TMEM127: variants seen among roughly 807,000 people sequenced by gnomAD.
The protein encoded by TMEM127 is transmembrane protein 127.
TMEM127 carries 21 observed loss-of-function variants against 20.1 expected under a neutral mutation model. That is an observed-to-expected ratio of 1.04 (90% CI 0.74 to 1.50). The LOEUF is 1.50. Ranked by LOEUF, TMEM127 falls within the 40% of genes most tolerant of loss-of-function variation. TMEM127 has a pLI of 0.00. For missense variants in TMEM127, 303 were observed against 317.4 expected (o/e 0.95, Z 0.34); for synonymous variants, 150 against 144.7 (o/e 1.04, Z -0.26).
chr2:96,251,891 G>A lies in TMEM127; in HGVS notation c.*1917C>T, dbSNP rs188082984. On this transcript the variant is annotated 3_prime_UTR_variant, in exon 4 of 4. Transcript: ENST00000258439. ...GATGACCAGTCCCTTTGGCATGCAG[G>A]TCCAGTGCCTGGTCTTCTGGTCTGC... 3.4e-4 allele frequency: 79 copies of A among 233,338 alleles called. No homozygotes were observed. Among genetic ancestry groups the A allele is most frequent in the African/African-American group, 2.0e-4 (9 of 45,434 alleles). 14.5% of individuals were successfully genotyped at this position (233,338 alleles called of 1,614,324 possible).
rs1684140585 is a variant in TMEM127 at position 96,253,835 on chromosome 2, G to C, written c.690C>G (p.Phe230Leu). 1 of 1,612,408 alleles carries C rather than the reference G, an allele frequency of 6.2e-7. No homozygotes were observed. The highest frequency in any genetic ancestry group is 8.5e-7 in the Non-Finnish European group (1 of 1,178,620). ...YPAEYEVINQFQPPPAYTP is the reference protein window; with the variant it reads ...YPAEYEVINQLQPPPAYTP The stretch of plus-strand genomic sequence containing the variant: ...AGGGTGTGTAAGCAGGGGGTGGCTG[G>C]AACTGGTTGATGACCTCATATTCCG... The change falls in exon 4 of 4, where the codon TTC (phenylalanine) becomes TTG (leucine). Residue 230 changes from phenylalanine to leucine, a missense_variant. Coordinates refer to ENST00000258439, the MANE Select transcript of TMEM127 (RefSeq NM_017849.4). This position sits in a 1 kb window ranked among gnomAD's most constrained non-coding sequence, Gnocchi z 4.3.
In TMEM127 at chr2:96,254,929, G is replaced by C; in HGVS notation, c.313C>G (p.Leu105Val). 2 of 1,614,242 alleles carry C rather than the reference G, an allele frequency of 1.2e-6. No homozygotes were observed. The highest frequency in any genetic ancestry group is 8.5e-7 in the Non-Finnish European group (1 of 1,180,038). ...AGAAGGAAAGCGGAGAGACTACACA[G>C]GATGCCCAGGAAACAGAAGGCGGCG... ...VIAAFCFLGI[L>V]CSLSAFLLDV... is the part of the protein sequence containing the mutation. Residue 105 changes from leucine (L) to valine (V), a missense_variant, in exon 3 of 4, where the codon CTG (leucine) becomes GTG (valine). Physicochemically the swap from Leu to Val is conservative, Grantham distance 32 (BLOSUM62 1). Coordinates refer to ENST00000258439, the MANE Select transcript of TMEM127 (RefSeq NM_017849.4).
intron 2 of TMEM127, among the ~76,000 whole-genome samples, chr2:96,261,249 G>C (rs1684307240): frequency 6.6e-6 from 1 of 152,116 alleles, no homozygotes; most frequent in Non-Finnish European, 1.5e-5. Flanking sequence ...CGCTTGCAGG[G>C]GCAGTGGAGA....
chr2:96,262,695 T>TTTAA (rs1251980880), intron 2 of TMEM127, among the ~76,000 whole-genome samples: 1 of 152,274 alleles, frequency 6.6e-6, no homozygotes, highest in African/African-American at 2.4e-5. Context: ...TTTCTTTCTT[T>TTTAA]TTAATTTTTG....
At chr2:96,262,666 C>T (rs936042692) in intron 2 of TMEM127, among the ~76,000 whole-genome samples, 1 of 152,232 alleles carries the variant, frequency 6.6e-6, no homozygotes, top group Non-Finnish European at 1.5e-5. Context: ...TTGCAAAAGA[C>T]AAAACGGAGC....
At position 96,253,540 on chromosome 2, in the gene TMEM127, C is replaced by T. The variant is rs1684134548; in HGVS notation, c.*268G>A. The T allele has an allele frequency of 5.1e-5, 25 of 492,108 alleles. No homozygotes were observed. The South Asian group carries it at 7.6e-4, about 15-fold the overall frequency. The allele number at this position is 492,108 out of a possible 1,614,324, so 30.5% of individuals were successfully genotyped here. On this transcript the variant is annotated 3_prime_UTR_variant, in exon 4 of 4. Transcript: ENST00000258439. This position sits in a 1 kb window ranked among gnomAD's most constrained non-coding sequence, Gnocchi z 4.3. ...CCATGCTGGAGGAAACTTGGATGAC[C>T]TTCCCTGGCTGGTAATGACTCGTGA...
chr2:96,265,823 C>T (rs1256986430), intron 1 of TMEM127, 46 bp downstream of exon 1: 1 of 183,120 alleles, frequency 5.5e-6, no homozygotes, highest in African/African-American at 2.3e-5. Flanking sequence ...TGGGGTGCGA[C>T]CTGTGCGCAG....
In TMEM127 at chr2:96,254,996, ATC is replaced by A. The variant is rs1270811774; in HGVS notation, c.245-1_245del. ...GCACTGTCTGGGGATTCATGCAGAA[ATC>A]TGTAGAGGGAGAACCAAATTTTCAC... On this transcript the variant is annotated splice_acceptor_variant and coding_sequence_variant, in exon 3 of 4. Coordinates refer to ENST00000258439, the MANE Select transcript of TMEM127 (RefSeq NM_017849.4). LOFTEE classifies it high-confidence loss of function. 6.2e-7 allele frequency: 1 copy of A among 1,614,146 alleles called. No individual in the cohort carries two copies. Among genetic ancestry groups the A allele is most frequent in the South Asian group, 1.1e-5 (1 of 91,084 alleles).
chr2:96,254,039 C>T lies in TMEM127; in HGVS notation c.486G>A (p.Lys162=), dbSNP rs536032990. 3.1e-6 allele frequency: 5 copies of T among 1,614,184 alleles called. No homozygotes were observed. The African/African-American group carries it at 6.7e-5, about 22-fold the overall frequency. ...CATAGACCTGGGATCCATGGTACTT[C>T]TTATGCTGCTGCTGCTGGGCCAAGA... The part of the protein sequence containing the change: ...ELILAQQQQH[K]KYHGSQVYVT... The change falls in exon 4 of 4, where the codon AAG becomes AAA. Residue 162 remains lysine, a synonymous_variant. Coordinates refer to ENST00000258439, the MANE Select transcript of TMEM127 (RefSeq NM_017849.4).
rs908395626 is a variant in TMEM127, at chr2:96,252,413, T to G, written c.*1395A>C. The G allele has an allele frequency of 8.6e-6, 2 of 233,552 alleles. No homozygotes were observed. The allele number at this position is 233,552 out of a possible 1,614,324, so 14.5% of individuals were successfully genotyped here. A position where few individuals can be genotyped will look rare whatever the true frequency, so the allele number is the denominator to read the frequency against. On this transcript the variant is annotated 3_prime_UTR_variant, in exon 4 of 4. Transcript: ENST00000258439. This position sits in a 1 kb window ranked among gnomAD's most constrained non-coding sequence, Gnocchi z 4.2. Reference sequence around the variant, plus strand: ...GCCATCTGGATCTACACTGAAGGTCTTTCAAGTTTCATCCACTTTATGCCC... The same window carrying G: ...GCCATCTGGATCTACACTGAAGGTCGTTCAAGTTTCATCCACTTTATGCCC...
intron 2 of TMEM127, among the ~76,000 whole-genome samples, chr2:96,257,262 C>T (rs1400777783): frequency 6.7e-6 from 1 of 148,538 alleles, no homozygotes; most frequent in East Asian, 2.0e-4. Context: ...AGGAGTTCGA[C>T]ATCAGCGTGG....
rs1433431535 is a variant in TMEM127, at chr2:96,251,691, TAA to T, written c.*2115_*2116del. 7.7e-5 allele frequency: 18 copies of T among 232,836 alleles called. No homozygotes were observed. Among genetic ancestry groups the T allele is most frequent in the Admixed American group, 2.8e-4 (5 of 17,758 alleles). 14.4% of individuals were successfully genotyped at this position (232,836 alleles called of 1,614,324 possible). A position where few individuals can be genotyped will look rare whatever the true frequency, so the allele number is the denominator to read the frequency against. ...GTTTTTTTGGTTTTGTTTTCCCTTT[TAA>T]TTTTTTTCTAGAAAAAAAAACACAA... On this transcript the variant is annotated 3_prime_UTR_variant, in exon 4 of 4. Coordinates refer to ENST00000258439, the MANE Select transcript of TMEM127 (RefSeq NM_017849.4).
intron 2 of TMEM127, 69 bp downstream of exon 2, chr2:96,265,069 T>C: frequency 1.3e-6 from 2 of 1,598,406 alleles, no homozygotes; most frequent in Admixed American, 1.7e-5. Flanking sequence ...TCCCTGGCTA[T>C]CTCTGCTTCA....
chr2:96,254,025 G>A lies in TMEM127; in HGVS notation c.500C>T (p.Ser167Phe), dbSNP rs994504317. Reference protein sequence around the residue: ...QQQQHKKYHGSQVYVTFAVSF... With the variant: ...QQQQHKKYHGFQVYVTFAVSF... ...AACGGCGAAGGTGACATAGACCTGG[G>A]ATCCATGGTACTTCTTATGCTGCTG... The change falls in exon 4 of 4, where the codon TCC (serine) becomes TTC (phenylalanine). Residue 167 changes from serine (S) to phenylalanine (F), a missense_variant. By Grantham distance (155) the Ser-to-Phe change is radical. Coordinates refer to ENST00000258439, the MANE Select transcript of TMEM127 (RefSeq NM_017849.4). The A allele has an allele frequency of 1.9e-6, 3 of 1,614,162 alleles. No individual in the cohort carries two copies. The highest frequency in any genetic ancestry group is 2.5e-6 in the Non-Finnish European group (3 of 1,180,038).
rs1047511333 is a variant in TMEM127 at position 96,250,253 on chromosome 2, C to T, written c.*3555G>A. On this transcript the variant is annotated 3_prime_UTR_variant, in exon 4 of 4. Coordinates refer to ENST00000258439, the MANE Select transcript of TMEM127 (RefSeq NM_017849.4). ...TTTCTAACCTCGGCTCTTACCACCT[C>T]CTGGCCACCAGTGTGCTTTTGCTCT... The T allele has an allele frequency of 5.1e-5, 12 of 233,152 alleles. No homozygotes were observed. Among genetic ancestry groups the T allele is most frequent in the African/African-American group, 2.4e-4 (11 of 45,332 alleles). 14.4% of individuals were successfully genotyped at this position (233,152 alleles called of 1,614,324 possible).
chr2:96,262,261 T>TAA (rs1684325641), intron 2 of TMEM127, among the ~76,000 whole-genome samples: 1 of 135,456 alleles, frequency 7.4e-6, no homozygotes, highest in Non-Finnish European at 1.6e-5. Flanking sequence ...TCTGTCTCAT[T>TAA]TAAAAAAAAA....
intron 3 of TMEM127, 141 bp from the exon 4 acceptor site, chr2:96,254,256 C>G: frequency 8.7e-7 from 1 of 1,146,440 alleles, no homozygotes. Context: ...AGGAGGAGCT[C>G]TCTTGACCAT....
Position 96,251,788 on chromosome 2 carries a change from A to G in TMEM127, c.*2020T>C, listed in dbSNP as rs1684097152. 4.3e-6 allele frequency: 1 copy of G among 233,086 alleles called. No homozygotes were observed. The highest frequency in any genetic ancestry group is 2.2e-5 in the African/African-American group (1 of 45,304). The allele number at this position is 233,086 out of a possible 1,614,324, so 14.4% of individuals were successfully genotyped here. ...GGGAAAGAGAAAGAAGAGGAAGGCCAAAGACATGGGGAGTGAATAAAAAGT... is the reference window on the plus strand; with the variant it reads ...GGGAAAGAGAAAGAAGAGGAAGGCCGAAGACATGGGGAGTGAATAAAAAGT... On this transcript the variant is annotated 3_prime_UTR_variant, in exon 4 of 4. Transcript: ENST00000258439.
chr2:96,249,078 TGTGTGTGTGTGTG>T lies in TMEM127; in HGVS notation c.*4717_*4729del, dbSNP rs1378193737. ...CCCAAAGCTTATGGTGAGGAACCTG[TGTGTGTGTGTGTG>T]GTGTGTGTGTGTGTGTGTGTGTGTG... On this transcript the variant is annotated 3_prime_UTR_variant, in exon 4 of 4. Transcript: ENST00000258439. The T allele has an allele frequency of 3.5e-5, 8 of 228,824 alleles. No individual in the cohort carries two copies. Among genetic ancestry groups the T allele is most frequent in the African/African-American group, 1.4e-4 (6 of 44,402 alleles). The allele number at this position is 228,824 out of a possible 1,614,324, so 14.2% of individuals were successfully genotyped here. A position where few individuals can be genotyped will look rare whatever the true frequency, so the allele number is the denominator to read the frequency against.
Sources: allele counts gnomAD v4.1 joint callset (sites outside exome capture counted in the v4.1 genomes callset), GRCh38; gene constraint gnomAD v4.1.1; non-coding constraint Gnocchi (gnomAD v3.1); transcripts MANE v1.5; gene names NCBI Gene and HGNC (gene_info 2026-07-23, HGNC 2026-07-21).